The following DCAKD variants were observed in gnomAD, a reference collection of about 807,000 sequenced individuals.
DCAKD encodes dephospho-CoA kinase domain-containing protein.
DCAKD carries 15 observed loss-of-function variants against 18.7 expected under a neutral mutation model. The observed-to-expected ratio is 0.80, with a 90% CI of 0.54 to 1.24. The LOEUF is 1.24. Ranked by LOEUF, DCAKD falls within the 50% of genes most tolerant of loss-of-function variation. DCAKD has a pLI of 0.00. For missense variants in DCAKD, 301 were observed against 322.0 expected, an observed-to-expected ratio of 0.93 and a Z score of 0.50; for synonymous variants, 130 against 133.0, an observed-to-expected ratio of 0.98 and a Z score of 0.16.
At chr17:45,046,476 C>T (rs964092343) in intron 1 of DCAKD, among the ~76,000 whole-genome samples, 1 of 151,920 alleles carries the variant, frequency 6.6e-6, no homozygotes, top group East Asian at 1.9e-4. Context: ...ATTAGCCAGG[C>T]GTGGTGGTGC....
At chr17:45,043,113 A>G (rs1005833898) in intron 1 of DCAKD, among the ~76,000 whole-genome samples, 6 of 152,178 alleles carry the variant, frequency 3.9e-5, no homozygotes, top group African/African-American at 1.4e-4. Flanking sequence ...GTATGGCTGT[A>G]GGCAATTTAA....
At chr17:45,038,804 G>A (rs540263673) in intron 1 of DCAKD, among the ~76,000 whole-genome samples, 11 of 152,110 alleles carry the variant, frequency 7.2e-5, no homozygotes, top group African/African-American at 1.9e-4. Context: ...AGGAGCACAC[G>A]CCCAGGGAGG....
At chr17:45,040,541 G>A (rs2053410736) in intron 1 of DCAKD, among the ~76,000 whole-genome samples, 1 of 152,160 alleles carries the variant, frequency 6.6e-6, no homozygotes, top group Non-Finnish European at 1.5e-5. Context: ...TAACAGAGAA[G>A]GAGCCAATGC....
upstream of DCAKD, among the ~76,000 whole-genome samples, chr17:45,053,814 C>A (rs1049146472): frequency 6.6e-6 from 1 of 152,164 alleles, no homozygotes; most frequent in Admixed American, 6.5e-5. Context: ...CCACCCACCT[C>A]GGCCTCCCAA....
chr17:45,031,579 G>A, intron 3 of DCAKD: 1 of 985,358 alleles, frequency 1.0e-6, no homozygotes, highest in Non-Finnish European at 1.2e-6. Flanking sequence ...CAACAGTGTG[G>A]TGCGCCTCCC....
At chr17:45,035,962 G>T (rs1350936515) in intron 1 of DCAKD, among the ~76,000 whole-genome samples, 1 of 152,180 alleles carries the variant, frequency 6.6e-6, no homozygotes, top group East Asian at 1.9e-4. Flanking sequence ...AGCCACTAAG[G>T]CCGAGGTTTA....
intron 1 of DCAKD, 181 bp from the exon 2 acceptor site, chr17:45,035,180 T>G: frequency 5.9e-6 from 2 of 337,178 alleles, no homozygotes; most frequent in Non-Finnish European, 1.1e-5. Flanking sequence ...TTAAAAACAC[T>G]CGCAAAGAAG....
chr17:45,060,601 G>C (rs1217272062), intron 1 of DCAKD, among the ~76,000 whole-genome samples: 1 of 152,232 alleles, frequency 6.6e-6, no homozygotes, highest in African/African-American at 2.4e-5. Context: ...CCACGTGTGC[G>C]CGAAAGAGCT....
chr17:45,044,684 T>A (rs2053522802), intron 1 of DCAKD, among the ~76,000 whole-genome samples: 1 of 109,774 alleles, frequency 9.1e-6, no homozygotes, highest in Non-Finnish European at 1.8e-5. Flanking sequence ...AGAGAGAGAC[T>A]CCATCAATAA....
chr17:45,042,773 G>T (rs1003249062), intron 1 of DCAKD, among the ~76,000 whole-genome samples: 3 of 152,154 alleles, frequency 2.0e-5, no homozygotes, highest in Admixed American at 1.3e-4. Flanking sequence ...TCTCTTCGTG[G>T]GCTAGGCCCA....
chr17:45,043,211 G>C (rs2053479587), intron 1 of DCAKD, among the ~76,000 whole-genome samples: 1 of 151,158 alleles, frequency 6.6e-6, no homozygotes, highest in Non-Finnish European at 1.5e-5. Context: ...AGCTGAGATC[G>C]CGCCACTGCA....
chr17:45,051,707 G>A (rs1394070024), upstream of DCAKD: 1 of 109,088 alleles, frequency 9.2e-6, no homozygotes, highest in African/African-American at 3.4e-5. Context: ...GGACGGGCGG[G>A]GCCGGGAGAG....
At chr17:45,040,756 G>A (rs1301358574) in intron 1 of DCAKD, among the ~76,000 whole-genome samples, 1 of 152,108 alleles carries the variant, frequency 6.6e-6, no homozygotes, top group Non-Finnish European at 1.5e-5. Context: ...TGGTGCCTGC[G>A]CTCCAACTCT....
At chr17:45,042,827 C>T (rs867162995) in intron 1 of DCAKD, among the ~76,000 whole-genome samples, 4 of 152,166 alleles carry the variant, frequency 2.6e-5, no homozygotes, top group Admixed American at 1.3e-4. Context: ...CTGGAGAGAG[C>T]CACAAGGAAA....
chr17:45,034,400 G>A lies in DCAKD; in HGVS notation c.113-10C>T, dbSNP rs754543676. 15 of 1,613,316 alleles carry A rather than the reference G, an allele frequency of 9.3e-6. No individual in the cohort carries two copies. Among genetic ancestry groups the A allele is most frequent in the Admixed American group, 1.7e-5 (1 of 59,986 alleles). On this transcript the variant is annotated splice_polypyrimidine_tract_variant and intron_variant, in intron 2 of 4. Coordinates refer to ENST00000651974, the MANE Select transcript of DCAKD (RefSeq NM_001288655.2). The stretch of plus-strand genomic sequence containing the variant: ...TATCCTGGCTGCACGACTGTGGCAG[G>A]AGGAAGAAGCTGGGTCACTCCCTGA...
chr17:45,059,236 A>C (rs914243353), intron 1 of DCAKD, among the ~76,000 whole-genome samples: 1 of 151,530 alleles, frequency 6.6e-6, no homozygotes, highest in African/African-American at 2.4e-5. Context: ...CAAGAGAGCG[A>C]GACTCCGTCT....
intron 4 of DCAKD, 49 bp from the exon 5 acceptor site, chr17:45,024,773 C>A: frequency 6.6e-7 from 1 of 1,515,832 alleles, no homozygotes. Flanking sequence ...CCTCTCACCC[C>A]AAGTTACAGG....
chr17:45,047,591 C>T lies in DCAKD; in HGVS notation c.-115+3770G>A, dbSNP rs183432467. ...CGCGATCTTGGCTCACTGCAACCTC[C>T]GGCTCCCGGTTCAAATGATTCTCCT... On this transcript the variant is annotated intron_variant, in intron 1 of 4. Transcript: ENST00000651974. 2.2e-3 allele frequency among the ~76,000 whole-genome samples: 337 copies of T among 151,298 alleles called. 5 individuals are homozygous for T. The highest frequency in any genetic ancestry group is 7.7e-3 in the African/African-American group (316 of 41,108).
chr17:45,049,022 C>T (rs905598743), intron 1 of DCAKD, among the ~76,000 whole-genome samples: 7 of 151,828 alleles, frequency 4.6e-5, no homozygotes, highest in African/African-American at 1.5e-4. Flanking sequence ...GTCAAGGCTG[C>T]AGTGAGCTGT....
Sources: gnomAD v4.1 joint callset for allele counts (sites outside exome capture counted in the v4.1 genomes callset) on GRCh38, gnomAD v4.1.1 for gene constraint, MANE v1.5 for transcripts, NCBI Gene and HGNC (gene_info 2026-07-23, HGNC 2026-07-21) for gene names.